Variants in ST6GALNAC5 observed in about 807,000 individuals in gnomAD.
ST6GALNAC5 encodes alpha-N-acetylgalactosaminide alpha-2,6-sialyltransferase 5.
In ST6GALNAC5, 27 loss-of-function variants were observed where a neutral mutation model predicts 33.6. That is an observed-to-expected ratio of 0.80 (90% CI 0.59 to 1.11). The LOEUF (loss-of-function observed/expected upper bound fraction) is 1.11. Ranked by LOEUF, ST6GALNAC5 falls within the 50% of genes least tolerant of loss-of-function variation. The pLI is 0.00. For synonymous variants in ST6GALNAC5, 194 were observed against 171.2 expected (o/e 1.13, Z -1.04); for missense variants, 428 against 454.0 (o/e 0.94, Z 0.52).
chr1:76,903,377 A>C (rs1646836310), intron 2 of ST6GALNAC5, among the ~76,000 whole-genome samples: 1 of 152,184 alleles, frequency 6.6e-6, no homozygotes, highest in Non-Finnish European at 1.5e-5. Flanking sequence ...TGAAAAAAAT[A>C]TAACAACAAC....
At chr1:76,887,649 A>T (rs1266151334) in intron 2 of ST6GALNAC5, among the ~76,000 whole-genome samples, 1 of 152,156 alleles carries the variant, frequency 6.6e-6, no homozygotes, top group Non-Finnish European at 1.5e-5. Flanking sequence ...CAAAGGCCTC[A>T]TCTGACCGAT....
At chr1:76,920,875 G>A (rs999389418) in intron 2 of ST6GALNAC5, among the ~76,000 whole-genome samples, 5 of 152,156 alleles carry the variant, frequency 3.3e-5, no homozygotes, top group South Asian at 2.1e-4. Flanking sequence ...ACATATGGTG[G>A]AAAGTAGAAT....
chr1:77,025,387 G>T lies in ST6GALNAC5; in HGVS notation c.262-18817G>T, dbSNP rs145788936. Among the ~76,000 whole-genome samples the T allele has an allele frequency of 2.0e-5, 3 of 152,214 alleles. No individual in the cohort carries two copies. In the East Asian group the frequency reaches 5.8e-4, roughly 29 times the overall value. On this transcript the variant is annotated intron_variant, in intron 2 of 4. Transcript: ENST00000477717. ...CTCTTTACTAAAAACACAAAAATTAGCCAGGTGTGGTGGCAGATGCCTGTA... is the reference window on the plus strand; with the variant it reads ...CTCTTTACTAAAAACACAAAAATTATCCAGGTGTGGTGGCAGATGCCTGTA...
At chr1:76,878,051 A>G (rs2103039) in intron 2 of ST6GALNAC5, among the ~76,000 whole-genome samples, 71,213 of 152,138 alleles carry the variant, frequency 0.47, 16,963 homozygotes, top group African/African-American at 0.52. Context: ...TCCAAGATCC[A>G]TCTGTCTTCT....
At chr1:76,871,748 G>C (rs181160391) in intron 2 of ST6GALNAC5, among the ~76,000 whole-genome samples, 2 of 152,148 alleles carry the variant, frequency 1.3e-5, no homozygotes, top group African/African-American at 4.8e-5. Context: ...TATGTGAGCT[G>C]CAATTGTAAT....
intron 2 of ST6GALNAC5, among the ~76,000 whole-genome samples, chr1:76,988,375 T>C (rs1365625416): frequency 6.6e-6 from 1 of 152,144 alleles, no homozygotes; most frequent in African/African-American, 2.4e-5. Flanking sequence ...CTTTGTTTTC[T>C]CTGTGAAGTT....
chr1:77,004,214 C>T (rs1650294053), intron 2 of ST6GALNAC5, among the ~76,000 whole-genome samples: 1 of 151,078 alleles, frequency 6.6e-6, no homozygotes, highest in Non-Finnish European at 1.5e-5. Flanking sequence ...TTTCTCTAAA[C>T]TTCCCTTCTC....
At chr1:77,050,528 A>T (rs1294101148) in intron 4 of ST6GALNAC5, among the ~76,000 whole-genome samples, 163 bp downstream of exon 4, 1 of 152,270 alleles carries the variant, frequency 6.6e-6, no homozygotes, top group African/African-American at 2.4e-5. Flanking sequence ...GCATTTAATT[A>T]TGTTATATAA....
chr1:76,896,331 G>A lies in ST6GALNAC5; in HGVS notation c.261+27589G>A, dbSNP rs367919807. 5.9e-5 allele frequency among the ~76,000 whole-genome samples: 9 copies of A among 152,188 alleles called. No individual in the cohort carries two copies. The East Asian group carries it at 9.6e-4, about 16-fold the overall frequency. ...GTCCTGGGTTGGGGTAAATCCTCGA[G>A]CTTGATGTGTAGGGAAGGGAGGAGG... On this transcript the variant is annotated intron_variant, in intron 2 of 4. Coordinates refer to ENST00000477717, the MANE Select transcript of ST6GALNAC5 (RefSeq NM_030965.3).
chr1:76,989,282 T>C (rs1557750425), intron 2 of ST6GALNAC5, among the ~76,000 whole-genome samples: 2 of 151,836 alleles, frequency 1.3e-5, no homozygotes, highest in Non-Finnish European at 2.9e-5. Flanking sequence ...TTAATTCTTC[T>C]ATTTTTTTTT....
intron 2 of ST6GALNAC5, among the ~76,000 whole-genome samples, chr1:77,008,170 G>T (rs1438043947): frequency 2.0e-5 from 3 of 152,148 alleles, no homozygotes; most frequent in African/African-American, 7.2e-5. Flanking sequence ...GCTCAGAGGG[G>T]CTGGGACTCT....
chr1:76,954,126 C>T (rs1326207919), intron 2 of ST6GALNAC5, among the ~76,000 whole-genome samples: 1 of 151,910 alleles, frequency 6.6e-6, no homozygotes, highest in Non-Finnish European at 1.5e-5. Flanking sequence ...TGAGTGTTTA[C>T]CTAAATGCCC....
chr1:76,885,324 C>T (rs2100239976), intron 2 of ST6GALNAC5, among the ~76,000 whole-genome samples: 1 of 152,044 alleles, frequency 6.6e-6, no homozygotes, highest in South Asian at 2.1e-4. Flanking sequence ...CAGGTATACT[C>T]ATTGTCTTCT....
At chr1:77,001,973 C>G (rs1045674571) in intron 2 of ST6GALNAC5, among the ~76,000 whole-genome samples, 2 of 152,054 alleles carry the variant, frequency 1.3e-5, no homozygotes, top group Admixed American at 6.6e-5. Flanking sequence ...TGTCTCTGCC[C>G]GGCTTTGCTA....
intron 2 of ST6GALNAC5, among the ~76,000 whole-genome samples, chr1:77,015,276 A>G (rs528611580): frequency 2.2e-4 from 34 of 152,334 alleles, no homozygotes; most frequent in African/African-American, 7.2e-4. Context: ...TCCTAATTTA[A>G]GCACTGAGGC....
chr1:76,962,971 T>C (rs1218782188), intron 2 of ST6GALNAC5, among the ~76,000 whole-genome samples: 1 of 152,172 alleles, frequency 6.6e-6, no homozygotes, highest in Non-Finnish European at 1.5e-5. Context: ...TACTTCATAT[T>C]GGTATGGAGA....
intron 2 of ST6GALNAC5, among the ~76,000 whole-genome samples, chr1:76,981,247 C>T (rs976407724): frequency 4.6e-5 from 7 of 152,162 alleles, no homozygotes; most frequent in African/African-American, 1.4e-4. Context: ...CAAGGGAAGC[C>T]GTGACAGACT....
At chr1:77,059,855 T>C (rs1353147494) in intron 4 of ST6GALNAC5, among the ~76,000 whole-genome samples, 1 of 151,934 alleles carries the variant, frequency 6.6e-6, no homozygotes, top group Non-Finnish European at 1.5e-5. Flanking sequence ...TATTTGTTTA[T>C]TTATTCAGTT....
At chr1:77,023,867 T>TG (rs1367663420) in intron 2 of ST6GALNAC5, among the ~76,000 whole-genome samples, 7 of 152,224 alleles carry the variant, frequency 4.6e-5, no homozygotes, top group Middle Eastern at 3.4e-3. Context: ...GGGTAGTCAT[T>TG]GGGGTGCCAT....
Sources: gnomAD v4.1 joint callset for allele counts (sites outside exome capture counted in the v4.1 genomes callset) on GRCh38, gnomAD v4.1.1 for gene constraint, MANE v1.5 for transcripts, NCBI Gene and HGNC (gene_info 2026-07-23, HGNC 2026-07-21) for gene names.